The following SLC25A29 variants were observed in gnomAD, a reference collection of about 807,000 sequenced individuals.
SLC25A29 encodes the protein mitochondrial basic amino acids transporter.
SLC25A29 carries 13 observed loss-of-function variants against 10.0 expected under a neutral mutation model. The ratio of observed to expected loss-of-function variants is 1.30; its 90% CI spans 0.85 to 2.07. SLC25A29 has a LOEUF of 2.07. SLC25A29 is among the 30% of genes most tolerant of loss of function. SLC25A29 has a pLI of 0.00. For synonymous variants in SLC25A29, 244 were observed against 221.1 expected, an observed-to-expected ratio of 1.10 and a Z score of -0.92; for missense variants, 475 against 447.6, an observed-to-expected ratio of 1.06 and a Z score of -0.55.
chr14:100,306,335 G>A lies in SLC25A29; in HGVS notation c.-103C>T. On this transcript the variant is annotated 5_prime_UTR_variant, in exon 1 of 4. Transcript: ENST00000359232. ...TCCCCGAGCGCGCGGTGCCGGGGCTGGGCCTGGCCGCTCCTCCTGGCGCGG... is the reference window on the plus strand; with the variant it reads ...TCCCCGAGCGCGCGGTGCCGGGGCTAGGCCTGGCCGCTCCTCCTGGCGCGG... 1 of 1,161,364 alleles carries A rather than the reference G, an allele frequency of 8.6e-7. No homozygotes were observed. Among genetic ancestry groups the A allele is most frequent in the Non-Finnish European group, 1.1e-6 (1 of 918,322 alleles). The allele number at this position is 1,161,364 out of a possible 1,614,324, so 71.9% of individuals were successfully genotyped here. A position where few individuals can be genotyped will look rare whatever the true frequency, so the allele number is the denominator to read the frequency against.
chr14:100,292,354 C>G lies in SLC25A29; in HGVS notation c.841G>C (p.Ala281Pro), dbSNP rs546459479. The G allele has an allele frequency of 2.0e-6, 3 of 1,501,822 alleles. No individual in the cohort carries two copies. In the East Asian group the frequency reaches 7.4e-5, roughly 37 times the overall value. 93.0% of individuals were successfully genotyped at this position (1,501,822 alleles called of 1,614,324 possible). ...VVLTYARGEEAGPEGEAVPAA... is the reference protein window; with the variant it reads ...VVLTYARGEEPGPEGEAVPAA... The stretch of plus-strand genomic sequence containing the variant: ...GGCACAGCCTCGCCCTCGGGCCCGG[C>G]CTCCTCGCCGCGCGCGTAGGTGAGC... Residue 281 changes from alanine to proline, a missense_variant, in exon 4 of 4, where the codon GCC becomes CCC. Coordinates refer to ENST00000359232, the MANE Select transcript of SLC25A29 (RefSeq NM_001039355.3).
Position 100,303,360 on chromosome 14 carries a change from T to A in SLC25A29, c.34+2839A>T, listed in dbSNP as rs566309016. The stretch of plus-strand genomic sequence containing the variant: ...GTCCAGCTGTGGGGTCCCCTTCCTG[T>A]GGGTGCATGGTCACGCCTCTGGCCC... On this transcript the variant is annotated intron_variant, in intron 1 of 3. Transcript: ENST00000359232. Among the ~76,000 whole-genome samples, 43 of 152,302 alleles carry A rather than the reference T, an allele frequency of 2.8e-4. No individual in the cohort carries two copies. In the South Asian group the frequency reaches 8.9e-3, roughly 32 times the overall value.
At position 100,301,685 on chromosome 14, in the gene SLC25A29, A is replaced by C. The variant is rs531082069; in HGVS notation, c.35-2800T>G. 4.7e-5 allele frequency among the ~76,000 whole-genome samples: 7 copies of C among 148,744 alleles called. 1 individual carries two copies. The highest frequency in any genetic ancestry group is 1.7e-4 in the African/African-American group (7 of 40,366). On this transcript the variant is annotated intron_variant, in intron 1 of 3. Transcript: ENST00000359232. The stretch of plus-strand genomic sequence containing the variant: ...CCACCACGCCTGGCTAATTTTTTGC[A>C]TATTTAGTAGAGACGGGGTTTCACC...
At chr14:100,296,421 C>A in intron 2 of SLC25A29, 1 of 173,904 alleles carries the variant, frequency 5.8e-6, no homozygotes, top group East Asian at 1.5e-4. Flanking sequence ...AGAGCAAGAC[C>A]GTGTCTCAAA....
At chr14:100,303,420 C>A (rs992975787) in intron 1 of SLC25A29, among the ~76,000 whole-genome samples, 13 of 152,234 alleles carry the variant, frequency 8.5e-5, no homozygotes, top group Non-Finnish European at 1.6e-4. Flanking sequence ...AGCAGCAAGG[C>A]GTGGGAGGGA....
intron 2 of SLC25A29, chr14:100,296,084 G>T: frequency 8.4e-7 from 1 of 1,195,512 alleles, no homozygotes; most frequent in Non-Finnish European, 1.1e-6. Flanking sequence ...GGCCCCTGAT[G>T]ATCCTAGGGT....
At chr14:100,280,686 G>T in the SLC25A29 span, 2 of 152,020 alleles carry the variant, frequency 1.3e-5, no homozygotes, top group Admixed American at 1.3e-4. Context: ...TCACAGGATA[G>T]TGTGCGCAAT....
At chr14:100,298,689 A>T in intron 2 of SLC25A29, 153 bp downstream of exon 2, 1 of 950,944 alleles carries the variant, frequency 1.1e-6, no homozygotes. Flanking sequence ...GGGAGATGCC[A>T]GGACAAAGCA....
chr14:100,297,315 G>A (rs1892232929), intron 2 of SLC25A29, among the ~76,000 whole-genome samples: 1 of 152,210 alleles, frequency 6.6e-6, no homozygotes, highest in African/African-American at 2.4e-5. Flanking sequence ...CTTCAGGGGT[G>A]CTGCTCGCGG....
At chr14:100,301,417 G>A (rs567785634) in intron 1 of SLC25A29, among the ~76,000 whole-genome samples, 10 of 152,056 alleles carry the variant, frequency 6.6e-5, no homozygotes, top group East Asian at 1.9e-4. Context: ...CGCCTGCCTC[G>A]GCCTCCCAAA....
At chr14:100,304,183 C>A (rs1019452475) in intron 1 of SLC25A29, among the ~76,000 whole-genome samples, 1 of 152,174 alleles carries the variant, frequency 6.6e-6, no homozygotes, top group Admixed American at 6.5e-5. Flanking sequence ...GTTGGGGGCA[C>A]CCCAAGAAGG....
rs1260110874 is a variant in SLC25A29, at chr14:100,292,357, C to T, written c.838G>A (p.Glu280Lys). ...ACAGCCTCGCCCTCGGGCCCGGCCT[C>T]CTCGCCGCGCGCGTAGGTGAGCACC... ...TVVLTYARGEEAGPEGEAVPA... is the reference protein window; with the variant it reads ...TVVLTYARGEKAGPEGEAVPA... Residue 280 changes from glutamate (E) to lysine (K), a missense_variant, in exon 4 of 4, where the codon GAG (glutamate) becomes AAG (lysine). Glu to Lys is a moderately conservative substitution (Grantham distance 56). Transcript: ENST00000359232. 2.0e-6 allele frequency: 3 copies of T among 1,503,584 alleles called. No homozygotes were observed. The highest frequency in any genetic ancestry group is 3.5e-4 in the Middle Eastern group (2 of 5,736). The allele number at this position is 1,503,584 out of a possible 1,614,324, so 93.1% of individuals were successfully genotyped here. A position where few individuals can be genotyped will look rare whatever the true frequency, so the allele number is the denominator to read the frequency against.
At chr14:100,286,650 C>A (rs112600425), downstream of SLC25A29, among the ~76,000 whole-genome samples, 2,803 of 152,288 alleles carry the variant, frequency 0.018, 73 homozygotes, top group African/African-American at 0.064. Context: ...GACACTGGCC[C>A]CACCGCCTTT....
chr14:100,285,518 C>T, the SLC25A29 span, among the ~76,000 whole-genome samples: 1 of 151,652 alleles, frequency 6.6e-6, no homozygotes, highest in South Asian at 2.1e-4. Context: ...TCGCGGGGAC[C>T]CGAGGCGCGG....
At chr14:100,287,659 G>A (rs971355613), downstream of SLC25A29, among the ~76,000 whole-genome samples, 30 of 121,242 alleles carry the variant, frequency 2.5e-4, no homozygotes, top group Admixed American at 1.2e-4. Context: ...GGCCTCAAGA[G>A]GTCCTCTGGC....
chr14:100,297,063 C>T (rs753443450), intron 2 of SLC25A29, among the ~76,000 whole-genome samples: 7 of 152,118 alleles, frequency 4.6e-5, no homozygotes, highest in Non-Finnish European at 8.8e-5. Flanking sequence ...GCCAAGGTCG[C>T]GCCACTGCAC....
At position 100,296,819 on chromosome 14, in the gene SLC25A29, T is replaced by C. The variant is rs544237621; in HGVS notation, c.78+2023A>G. Among the ~76,000 whole-genome samples the C allele has an allele frequency of 5.7e-4, 87 of 152,234 alleles. No homozygotes were observed. The South Asian group carries it at 6.0e-3, about 11-fold the overall frequency. On this transcript the variant is annotated intron_variant, in intron 2 of 3. Coordinates refer to ENST00000359232, the MANE Select transcript of SLC25A29 (RefSeq NM_001039355.3). ...TTCACCGTGTTAGCCAGGATGGTCT[T>C]GATCTCCTGACCTTGTGATCCGCCC... is the stretch of plus-strand genomic sequence containing the variant.
chr14:100,280,630 C>A, the SLC25A29 span: 1 of 151,784 alleles, frequency 6.6e-6, no homozygotes, highest in Non-Finnish European at 1.5e-5. Flanking sequence ...ATTTGGTTTT[C>A]ATGTAAAAGT....
the SLC25A29 span, chr14:100,282,378 GC>G: frequency 3.3e-5 from 5 of 152,110 alleles, no homozygotes; most frequent in African/African-American, 9.7e-5. Flanking sequence ...CTCTCTGGGG[GC>G]CGCACAATGT....
Sources: gnomAD v4.1 joint callset for allele counts (sites outside exome capture counted in the v4.1 genomes callset) on GRCh38, gnomAD v4.1.1 for gene constraint, MANE v1.5 for transcripts, NCBI Gene and HGNC (gene_info 2026-07-23, HGNC 2026-07-21) for gene names.